The following PCDHGB2 variants were observed in gnomAD, a reference collection of about 807,000 sequenced individuals.
PCDHGB2 encodes protocadherin gamma-B2.
A neutral mutation model predicts 59.3 loss-of-function variants in PCDHGB2; 55 were observed. The ratio of observed to expected loss-of-function variants is 0.93; its 90% CI spans 0.75 to 1.16. PCDHGB2 has a LOEUF of 1.16. PCDHGB2 is among the 50% of genes most tolerant of loss of function. The pLI, the probability that PCDHGB2 is intolerant of heterozygous loss-of-function variation, is 0.00. For synonymous variants in PCDHGB2, 516 were observed against 512.0 expected, an observed-to-expected ratio of 1.01 and a Z score of -0.11; for missense variants, 1,228 against 1,198.5, an observed-to-expected ratio of 1.02 and a Z score of -0.36.
chr5:141,381,355 C>T (rs1431564536), intron 1 of PCDHGB2, among the ~76,000 whole-genome samples: 1 of 152,222 alleles, frequency 6.6e-6, no homozygotes, highest in Admixed American at 6.5e-5. Context: ...TTTCTGCTAG[C>T]AGAGGGTAGC....
rs1591337394 is a variant in PCDHGB2, at chr5:141,434,573, C to A, written c.2422-60234C>A. 2.0e-5 allele frequency among the ~76,000 whole-genome samples: 3 copies of A among 152,336 alleles called. No individual in the cohort carries two copies. The South Asian group carries it at 6.2e-4, about 32-fold the overall frequency. On this transcript the variant is annotated intron_variant, in intron 1 of 3. Transcript: ENST00000522605. The stretch of plus-strand genomic sequence containing the variant: ...TCTGTGCCTTAAGGACATGCCCCTG[C>A]TGCAGATAACTACCTCAATCCATCC...
intron 1 of PCDHGB2, chr5:141,423,689 G>T: frequency 7.1e-7 from 1 of 1,400,130 alleles, no homozygotes; most frequent in Non-Finnish European, 9.4e-7. Context: ...CCTCCTAATT[G>T]TTGGTGTCTT....
intron 1 of PCDHGB2, chr5:141,371,427 C>T (rs773502490): frequency 1.1e-5 from 17 of 1,613,780 alleles, no homozygotes; most frequent in African/African-American, 1.3e-5. Flanking sequence ...TGACAATGCC[C>T]CGGAGATAAC....
Position 141,487,552 on chromosome 5 carries a change from A to C in PCDHGB2, c.2422-7255A>C. On this transcript the variant is annotated intron_variant, in intron 1 of 3. Coordinates refer to ENST00000522605, the MANE Select transcript of PCDHGB2 (RefSeq NM_018923.3). The surrounding 1 kb of genome is among the most constrained non-coding windows in gnomAD (Gnocchi z 5.0). ...TCATGATGGTGAAGTCACCCAGTGC[A>C]CCTATGGCAGGGGAGCCTGTTCGCC... is the stretch of plus-strand genomic sequence containing the variant. 2 of 1,614,116 alleles carry C rather than the reference A, an allele frequency of 1.2e-6. No homozygotes were observed. The highest frequency in any genetic ancestry group is 1.7e-6 in the Non-Finnish European group (2 of 1,180,024).
intron 1 of PCDHGB2, among the ~76,000 whole-genome samples, chr5:141,452,476 C>T (rs968627914): frequency 6.6e-6 from 1 of 152,216 alleles, no homozygotes; most frequent in Admixed American, 6.5e-5. Context: ...AGGAAAAACA[C>T]ACATAAACAC....
At chr5:141,403,875 A>T in intron 1 of PCDHGB2, 1 of 1,613,816 alleles carries the variant, frequency 6.2e-7, no homozygotes, top group Non-Finnish European at 8.5e-7. Flanking sequence ...AAAAGTCTAG[A>T]TTATGAAGAA....
rs770596172 is a variant in PCDHGB2, at chr5:141,487,664, G to A, written c.2422-7143G>A. ...AATGCTTGAGGGTTATTCTGATCCA[G>A]GCATATGGCTAGGCCATGTCCTAGA... On this transcript the variant is annotated intron_variant, in intron 1 of 3. Transcript: ENST00000522605. The surrounding 1 kb of genome is among the most constrained non-coding windows in gnomAD (Gnocchi z 5.0). 1.9e-5 allele frequency: 31 copies of A among 1,613,048 alleles called. No individual in the cohort carries two copies. The South Asian group carries it at 3.4e-4, about 18-fold the overall frequency.
intron 1 of PCDHGB2, among the ~76,000 whole-genome samples, chr5:141,480,339 T>A (rs764049837): frequency 1.3e-4 from 20 of 152,010 alleles, no homozygotes; most frequent in Non-Finnish European, 2.4e-4. Context: ...TGCTTGAGCC[T>A]GGGAGGTTGA....
rs1281253972 is a variant in PCDHGB2, at chr5:141,362,373, T to C, written c.2238T>C (p.Gly746=). The C allele has an allele frequency of 6.2e-7, 1 of 1,614,038 alleles. No homozygotes were observed. The highest frequency in any genetic ancestry group is 2.2e-5 in the East Asian group (1 of 44,882). ...GPGVLPNYSE[G]TLPYSYNLCV... is the part of the protein sequence containing the mutation. ...GGGTTCTCCCCAATTACAGTGAGGG[T>C]ACATTGCCCTATTCCTACAACCTGT... The change falls in exon 1 of 4, where the codon GGT becomes GGC. Residue 746 remains glycine (G), a synonymous_variant. Coordinates refer to ENST00000522605, the MANE Select transcript of PCDHGB2 (RefSeq NM_018923.3).
rs138149681 is a variant in PCDHGB2, at chr5:141,486,735, G to A, written c.2422-8072G>A. Reference sequence around the variant, plus strand: ...CAGACAGGAGCTGTTCATGCTACTCGATCCTTTGACTATGAGCAAACCCAG... The same window carrying A: ...CAGACAGGAGCTGTTCATGCTACTCAATCCTTTGACTATGAGCAAACCCAG... On this transcript the variant is annotated intron_variant, in intron 1 of 3. Transcript: ENST00000522605. The surrounding 1 kb of genome is among the most constrained non-coding windows in gnomAD (Gnocchi z 5.0). 3.1e-4 allele frequency: 502 copies of A among 1,614,174 alleles called. 1 individual carries two copies. Among genetic ancestry groups the A allele is most frequent in the South Asian group, 1.8e-3 (161 of 91,086 alleles).
At chr5:141,422,141 G>A (rs1441509284) in intron 1 of PCDHGB2, 9 of 1,583,068 alleles carry the variant, frequency 5.7e-6, no homozygotes, top group Middle Eastern at 1.7e-4. Context: ...GTTCAAGTAC[G>A]GGGGTCTCTG....
At position 141,489,733 on chromosome 5, in the gene PCDHGB2, A is replaced by C; in HGVS notation, c.2422-5074A>C. ...TGCCCAGGATCCGGATGTGGGCACC[A>C]ATACTGTGAGCTTTTACACTCTAAG... On this transcript the variant is annotated intron_variant, in intron 1 of 3. Coordinates refer to ENST00000522605, the MANE Select transcript of PCDHGB2 (RefSeq NM_018923.3). This position sits in a 1 kb window ranked among gnomAD's most constrained non-coding sequence, Gnocchi z 4.5. 1 of 1,614,168 alleles carries C rather than the reference A, an allele frequency of 6.2e-7. No individual in the cohort carries two copies. The highest frequency in any genetic ancestry group is 1.1e-5 in the South Asian group (1 of 91,078).
At chr5:141,365,026 C>T in intron 1 of PCDHGB2, 1 of 1,613,890 alleles carries the variant, frequency 6.2e-7, no homozygotes, top group Admixed American at 1.7e-5. Flanking sequence ...GTGTTACGGT[C>T]CTCGACGCAA....
Position 141,362,171 on chromosome 5 carries a change from G to T in PCDHGB2, c.2036G>T (p.Arg679Leu), listed in dbSNP as rs62378417. 6.2e-7 allele frequency: 1 copy of T among 1,613,836 alleles called. No homozygotes were observed. The highest frequency in any genetic ancestry group is 1.3e-5 in the African/African-American group (1 of 74,954). Residue 679 changes from arginine to leucine, a missense_variant, in exon 1 of 4, where the codon CGG (arginine) becomes CTG (leucine). Arg to Leu is a moderately radical substitution (Grantham distance 102). This residue lies in a region of PCDHGB2 where 433 missense variants were observed against 441.8 expected (regional missense o/e 0.98). Coordinates refer to ENST00000522605, the MANE Select transcript of PCDHGB2 (RefSeq NM_018923.3). The part of the protein sequence containing the change: ...QEVLPDLSDR[R>L]EPSDPQAKLQ... ...GTATTGCCAGACCTCAGCGACCGCC[G>T]GGAGCCCTCTGACCCCCAGGCAAAA...
intron 1 of PCDHGB2, chr5:141,423,427 G>A: frequency 1.2e-6 from 2 of 1,614,010 alleles, no homozygotes; most frequent in Non-Finnish European, 1.7e-6. Flanking sequence ...AGGCGGGTTG[G>A]CAGGTATGCC....
chr5:141,433,106 G>C, intron 1 of PCDHGB2: 1 of 1,614,170 alleles, frequency 6.2e-7, no homozygotes, highest in Non-Finnish European at 8.5e-7. Flanking sequence ...CGTCAGCCAG[G>C]AGAGCTTTGA....
rs2094474207 is a variant in PCDHGB2 at position 141,403,989 on chromosome 5, A to C, written c.2421+41433A>C. On this transcript the variant is annotated intron_variant, in intron 1 of 3. Coordinates refer to ENST00000522605, the MANE Select transcript of PCDHGB2 (RefSeq NM_018923.3). ...GAAGATGTAAATGACAATAGACCTG[A>C]AGTGACCATTACATCTCTGTTTAGC... The C allele has an allele frequency of 1.2e-6, 2 of 1,613,868 alleles. No homozygotes were observed. Among genetic ancestry groups the C allele is most frequent in the Middle Eastern group, 1.6e-4 (1 of 6,062 alleles).
rs988237114 is a variant in PCDHGB2 at position 141,493,830 on chromosome 5, G to A, written c.2422-977G>A. On this transcript the variant is annotated intron_variant, in intron 1 of 3. Transcript: ENST00000522605. This position sits in a 1 kb window ranked among gnomAD's most constrained non-coding sequence, Gnocchi z 4.3. ...ATACTCACACTCTCTGCTTCTGGGA[G>A]CAAGTATGAGTATTAATTACCAGCC... 1.3e-5 allele frequency among the ~76,000 whole-genome samples: 2 copies of A among 152,218 alleles called. No individual in the cohort carries two copies. The highest frequency in any genetic ancestry group is 4.8e-5 in the African/African-American group (2 of 41,456).
chr5:141,479,329 G>A (rs2099493017), intron 1 of PCDHGB2: 1 of 152,490 alleles, frequency 6.6e-6, no homozygotes, highest in African/African-American at 2.4e-5. Context: ...AGACTCAGTG[G>A]TGTGCACCTG....
Sources: allele counts gnomAD v4.1 joint callset (sites outside exome capture counted in the v4.1 genomes callset), GRCh38; gene constraint gnomAD v4.1.1; regional missense constraint gnomAD v4.1.1; non-coding constraint Gnocchi (gnomAD v3.1); transcripts MANE v1.5; gene names NCBI Gene and HGNC (gene_info 2026-07-23, HGNC 2026-07-21).